Variants in SESTD1 observed in about 807,000 individuals in gnomAD.
SESTD1 encodes SEC14 and spectrin domain containing 1, also known as SEC14 domain and spectrin repeat-containing protein 1.
Under a neutral mutation model 101.7 loss-of-function variants are expected in SESTD1, and 43 were observed. That is an observed-to-expected ratio of 0.42 (90% CI 0.33 to 0.55). The LOEUF (loss-of-function observed/expected upper bound fraction) is 0.55. SESTD1 is among the 20% of genes least tolerant of loss of function. The probability of loss-of-function intolerance (pLI) is 0.07; values close to 1 mark genes in which losing one functional copy is unlikely to be tolerated. For synonymous variants in SESTD1, 283 were observed against 286.8 expected, an observed-to-expected ratio of 0.99 and a Z score of 0.13; for missense variants, 647 against 815.1, an observed-to-expected ratio of 0.79 and a Z score of 2.51.
chr2:179,238,543 C>T (rs1273259852), intron 1 of SESTD1, among the ~76,000 whole-genome samples: 2 of 152,120 alleles, frequency 1.3e-5, no homozygotes, highest in African/African-American at 4.8e-5. Flanking sequence ...TAGAGATTAA[C>T]CTAATATGAA....
chr2:179,261,274 A>AT (rs1559167197), intron 1 of SESTD1, among the ~76,000 whole-genome samples: 2 of 152,004 alleles, frequency 1.3e-5, no homozygotes, highest in Non-Finnish European at 1.5e-5. Flanking sequence ...GTTTGGTTTG[A>AT]TTTTTTTTAT....
At chr2:179,135,668 G>A (rs1212304785) in intron 9 of SESTD1, among the ~76,000 whole-genome samples, 2 of 152,110 alleles carry the variant, frequency 1.3e-5, no homozygotes, top group African/African-American at 4.8e-5. Flanking sequence ...TTGGAGAATC[G>A]TTTGAGCCTG....
intron 16 of SESTD1, among the ~76,000 whole-genome samples, chr2:179,113,470 T>G (rs1033107582): frequency 6.6e-6 from 1 of 152,176 alleles, no homozygotes; most frequent in African/African-American, 2.4e-5. Flanking sequence ...TGTTCTTCAC[T>G]CCACCCTAAC....
At chr2:179,187,813 C>A (rs1363837881) in intron 2 of SESTD1, among the ~76,000 whole-genome samples, 8 of 152,018 alleles carry the variant, frequency 5.3e-5, no homozygotes, top group African/African-American at 1.2e-4. Context: ...TTTAAACCAA[C>A]AATAATAAAA....
intron 1 of SESTD1, among the ~76,000 whole-genome samples, chr2:179,224,445 T>TAG (rs1437150967): frequency 4.6e-5 from 7 of 152,202 alleles, no homozygotes; most frequent in Admixed American, 3.9e-4. Context: ...ATATACTCTG[T>TAG]ATTTTGTCTC....
Position 179,143,704 on chromosome 2 carries a change from T to C in SESTD1, c.737A>G (p.Gln246Arg). ...PMDDELLAQP[Q>R]VMKLLDSLRE... ...GAGTGAATCTAATAATTTCATAACCTGTGGCTGTGCAAGAAGTTCATCATC... is the reference window on the plus strand; with the variant it reads ...GAGTGAATCTAATAATTTCATAACCCGTGGCTGTGCAAGAAGTTCATCATC... Residue 246 changes from glutamine (Q) to arginine (R), a missense_variant, in exon 9 of 18, where the codon CAG becomes CGG. By Grantham distance (43) the Gln-to-Arg change is conservative. Coordinates refer to ENST00000428443, the MANE Select transcript of SESTD1 (RefSeq NM_178123.5). 6.2e-7 allele frequency: 1 copy of C among 1,614,040 alleles called. No homozygotes were observed. Among genetic ancestry groups the C allele is most frequent in the Non-Finnish European group, 8.5e-7 (1 of 1,179,930 alleles).
chr2:179,224,638 C>T (rs2046858876), intron 1 of SESTD1, among the ~76,000 whole-genome samples: 1 of 152,130 alleles, frequency 6.6e-6, no homozygotes, highest in South Asian at 2.1e-4. Flanking sequence ...CCCCCTACCC[C>T]CACTAACTCT....
chr2:179,151,307 C>G lies in SESTD1; in HGVS notation c.454G>C (p.Asp152His), dbSNP rs368812506. The G allele has an allele frequency of 6.2e-7, 1 of 1,607,144 alleles. No individual in the cohort carries two copies. The highest frequency in any genetic ancestry group is 8.5e-7 in the Non-Finnish European group (1 of 1,177,056). ...CTCTTATTTAACCAGTCCATGTGAT[C>G]ATAGGTGAGACTCCCACCAAAATCT... ...TEDFGGSLTY[D>H]HMDWLNKRLV... Residue 152 changes from aspartate to histidine, a missense_variant, in exon 6 of 18, where the codon GAT becomes CAT. Around this residue, in one of 3 missense-constraint regions of SESTD1, gnomAD observed 168 missense variants for 235.1 expected, o/e 0.71. Transcript: ENST00000428443.
rs543481909 is a variant in SESTD1 at position 179,200,595 on chromosome 2, T to C, written c.-25-8729A>G. Among the ~76,000 whole-genome samples, 140 of 152,062 alleles carry C rather than the reference T, an allele frequency of 9.2e-4. No individual in the cohort carries two copies. In the Middle Eastern group the frequency reaches 0.01, roughly 11 times the overall value. ...AGAGATATAGATCAATGGAACCGAA[T>C]AGAGCTCTCAGAAATAACGCTGGAT... On this transcript the variant is annotated intron_variant, in intron 1 of 17. Coordinates refer to ENST00000428443, the MANE Select transcript of SESTD1 (RefSeq NM_178123.5).
At chr2:179,159,833 G>GA (rs71401719) in intron 5 of SESTD1, among the ~76,000 whole-genome samples, 9,665 of 151,994 alleles carry the variant, frequency 0.064, 411 homozygotes, top group South Asian at 0.21. Flanking sequence ...CGGCAAAGAA[G>GA]AAAAAAACAA....
At position 179,103,725 on chromosome 2, in the gene SESTD1, C is replaced by T. The variant is rs1461801659; in HGVS notation, c.*6174G>A. On this transcript the variant is annotated 3_prime_UTR_variant, in exon 18 of 18. Transcript: ENST00000428443. ...ATGGTAGAAAAAGGAACAGTGGTTG[C>T]CTTTGAGGGTCAAGTAGGGACAGGA... The T allele has an allele frequency of 3.9e-5, 6 of 151,974 alleles. No individual in the cohort carries two copies. Among genetic ancestry groups the T allele is most frequent in the Admixed American group, 2.6e-4 (4 of 15,236 alleles). 9.4% of individuals were successfully genotyped at this position (151,974 alleles called of 1,614,324 possible). A position where few individuals can be genotyped will look rare whatever the true frequency, so the allele number is the denominator to read the frequency against.
chr2:179,148,256 C>G (rs931959506), intron 7 of SESTD1, among the ~76,000 whole-genome samples: 1 of 152,164 alleles, frequency 6.6e-6, no homozygotes, highest in African/African-American at 2.4e-5. Context: ...GGAGACAGAT[C>G]GGATGACAGG....
chr2:179,116,739 T>G lies in SESTD1; in HGVS notation c.1576A>C (p.Arg526=). Residue 526 remains arginine (R), a synonymous_variant, in exon 15 of 18, where the codon AGA becomes CGA. Coordinates refer to ENST00000428443, the MANE Select transcript of SESTD1 (RefSeq NM_178123.5). ...LLDALLKTHI[R]LGDDAQETKV... is the part of the protein sequence containing the mutation. Reference sequence around the variant, plus strand: ...GTTTCTTGAGCATCATCGCCCAATCTGATGTGAGTCTTAAGCAGAGCATCC... The same window carrying G: ...GTTTCTTGAGCATCATCGCCCAATCGGATGTGAGTCTTAAGCAGAGCATCC... 6.2e-7 allele frequency: 1 copy of G among 1,614,156 alleles called. No homozygotes were observed. Among genetic ancestry groups the G allele is most frequent in the Non-Finnish European group, 8.5e-7 (1 of 1,180,014 alleles).
chr2:179,144,120 ATTTT>A (rs1023440030), intron 8 of SESTD1, among the ~76,000 whole-genome samples: 1 of 151,012 alleles, frequency 6.6e-6, no homozygotes, highest in Non-Finnish European at 1.5e-5. Flanking sequence ...TACGGTTTAT[ATTTT>A]TTTTTATCAA....
intron 5 of SESTD1, among the ~76,000 whole-genome samples, chr2:179,154,399 T>C (rs182478074): frequency 6.6e-6 from 1 of 152,154 alleles, no homozygotes; most frequent in Admixed American, 6.5e-5. Context: ...GATAGACAAA[T>C]AATAAGTTTC....
intron 4 of SESTD1, among the ~76,000 whole-genome samples, chr2:179,172,775 C>A (rs2045949205): frequency 6.6e-6 from 1 of 152,160 alleles, no homozygotes; most frequent in Admixed American, 6.5e-5. Context: ...GTTACTTATA[C>A]TACCTAATGA....
intron 3 of SESTD1, among the ~76,000 whole-genome samples, chr2:179,182,660 T>G (rs972534790): frequency 4.7e-4 from 72 of 152,270 alleles, no homozygotes; most frequent in African/African-American, 1.4e-3. Flanking sequence ...TTTTTGACAT[T>G]TTTTAAAATA....
intron 14 of SESTD1, 126 bp from the exon 15 acceptor site, chr2:179,116,916 A>C: frequency 7.8e-7 from 1 of 1,285,264 alleles, no homozygotes; most frequent in East Asian, 2.5e-5. Context: ...TAAAGTCTTA[A>C]AAGCTTATTT....
In SESTD1 at chr2:179,185,653, T is replaced by G. The variant is rs564130830; in HGVS notation, c.56-2465A>C. 2.0e-3 allele frequency among the ~76,000 whole-genome samples: 248 copies of G among 127,152 alleles called. 3 individuals carry two copies. The highest frequency in any genetic ancestry group is 0.011 in the Middle Eastern group (1 of 94). 83.4% of individuals were successfully genotyped at this position (127,152 alleles called of 152,430 possible). A position where few individuals can be genotyped will look rare whatever the true frequency, so the allele number is the denominator to read the frequency against. On this transcript the variant is annotated intron_variant, in intron 2 of 17. Coordinates refer to ENST00000428443, the MANE Select transcript of SESTD1 (RefSeq NM_178123.5). ...ATAATATAGCATATTATATACAATA[T>G]AGCATATACAATATATAATATAGCA...
Sources: gnomAD v4.1 joint callset for allele counts (sites outside exome capture counted in the v4.1 genomes callset) on GRCh38, gnomAD v4.1.1 for gene constraint, gnomAD v4.1.1 regional missense constraint, MANE v1.5 for transcripts, NCBI Gene and HGNC (gene_info 2026-07-23, HGNC 2026-07-21) for gene names.